The following LINGO2 variants were observed in gnomAD, a reference collection of about 807,000 sequenced individuals.
LINGO2 encodes leucine rich repeat and Ig domain containing 2, also known as leucine-rich repeat and immunoglobulin-like domain-containing nogo receptor-interacting protein 2.
Under a neutral mutation model 30.6 loss-of-function variants are expected in LINGO2, and 14 were observed. The ratio of observed to expected loss-of-function variants is 0.46; its 90% CI spans 0.30 to 0.72. The LOEUF (loss-of-function observed/expected upper bound fraction) is 0.72. LINGO2 is among the 30% of genes least tolerant of loss of function. LINGO2 has a pLI of 0.07. For missense variants in LINGO2, 729 were observed against 751.7 expected (o/e 0.97, Z 0.35); for synonymous variants, 317 against 288.5 (o/e 1.10, Z -1.00).
intron 3 of LINGO2, among the ~76,000 whole-genome samples, chr9:28,361,896 G>T (rs1042245089): frequency 6.6e-6 from 1 of 152,094 alleles, no homozygotes; most frequent in African/African-American, 2.4e-5. Context: ...CTGAATCTCG[G>T]GTTGAGTGAT....
chr9:27,961,553 C>T lies in LINGO2; in HGVS notation c.-35-10847G>A, dbSNP rs1045141144. ...AAGAGGTAATTAGAGGAATGATTTA[C>T]AAGGGGCTTATACACTGTGATAAGC... On this transcript the variant is annotated intron_variant, in intron 5 of 5. Coordinates refer to ENST00000379992, the Ensembl canonical transcript of LINGO2. Among the ~76,000 whole-genome samples, 3 of 152,258 alleles carry T rather than the reference C, an allele frequency of 2.0e-5. No homozygotes were observed. In the East Asian group the frequency reaches 5.8e-4, roughly 29 times the overall value.
chr9:28,248,974 C>G (rs1204969451), intron 4 of LINGO2, among the ~76,000 whole-genome samples: 3 of 152,104 alleles, frequency 2.0e-5, no homozygotes, highest in Non-Finnish European at 4.4e-5. Context: ...ATGACAGGAA[C>G]AGTGCTTTTC....
the LINGO2 span, among the ~76,000 whole-genome samples, chr9:28,679,317 A>G: frequency 6.6e-6 from 1 of 152,124 alleles, no homozygotes. Flanking sequence ...AAATCTCAAA[A>G]CTCAGCTTCC....
chr9:28,266,716 T>G (rs1222722108), intron 4 of LINGO2, among the ~76,000 whole-genome samples: 12 of 151,990 alleles, frequency 7.9e-5, no homozygotes, highest in Admixed American at 7.9e-4. Flanking sequence ...CTAAATTGGG[T>G]TAATATTCTT....
intron 1 of LINGO2, among the ~76,000 whole-genome samples, chr9:28,485,923 G>A (rs1049138807): frequency 6.6e-6 from 1 of 152,002 alleles, no homozygotes; most frequent in African/African-American, 2.4e-5. Flanking sequence ...CATTGAAGGA[G>A]GTGATTTTGA....
chr9:27,968,051 G>A (rs1485662877), intron 5 of LINGO2, among the ~76,000 whole-genome samples: 1 of 152,044 alleles, frequency 6.6e-6, no homozygotes, highest in Non-Finnish European at 1.5e-5. Flanking sequence ...AAAAAGAGTA[G>A]AAAACTATCA....
intron 4 of LINGO2, among the ~76,000 whole-genome samples, chr9:28,187,682 G>A (rs576592440): frequency 5.3e-5 from 8 of 152,082 alleles, no homozygotes; most frequent in Non-Finnish European, 7.4e-5. Context: ...TCAAGATAAG[G>A]GGGGCAGACA....
the LINGO2 span, among the ~76,000 whole-genome samples, chr9:28,934,543 T>C: frequency 6.6e-6 from 1 of 152,164 alleles, no homozygotes; most frequent in Admixed American, 6.6e-5. Context: ...ACTTTCTTGA[T>C]TGCAGTAAAG....
In LINGO2 at chr9:28,130,755, A is replaced by G. The variant is rs1048637897; in HGVS notation, c.-86-118350T>C. Among the ~76,000 whole-genome samples the G allele has an allele frequency of 9.9e-5, 15 of 152,202 alleles. No homozygotes were observed. Among genetic ancestry groups the G allele is most frequent in the African/African-American group, 3.4e-4 (14 of 41,468 alleles). On this transcript the variant is annotated intron_variant, in intron 4 of 5. Transcript: ENST00000379992. The surrounding 1 kb of genome is among the most constrained non-coding windows in gnomAD (Gnocchi z 5.2). ...AGTAGGACACTGTTCTTATTATATT[A>G]TCAGATATTCTGGGCCAAATGTGCA...
At chr9:28,061,323 C>T (rs1419868718) in intron 4 of LINGO2, among the ~76,000 whole-genome samples, 2 of 151,170 alleles carry the variant, frequency 1.3e-5, no homozygotes, top group African/African-American at 2.4e-5. Context: ...AATGAGTACA[C>T]GAAAAGCCCA....
chr9:28,037,875 A>G (rs1000022047), intron 4 of LINGO2, among the ~76,000 whole-genome samples: 2 of 152,232 alleles, frequency 1.3e-5, no homozygotes, highest in Admixed American at 6.5e-5. Context: ...CTACTCTACT[A>G]GTCCTTTACC....
At chr9:28,844,063 A>G in the LINGO2 span, among the ~76,000 whole-genome samples, 1 of 151,802 alleles carries the variant, frequency 6.6e-6, no homozygotes, top group East Asian at 1.9e-4. Flanking sequence ...TTTCTGCCAA[A>G]ATAAAATGAC....
chr9:28,966,475 G>A, the LINGO2 span, among the ~76,000 whole-genome samples: 2 of 152,174 alleles, frequency 1.3e-5, no homozygotes, highest in East Asian at 1.9e-4. Context: ...CAAGGTTGGT[G>A]ATAAAGCAGC....
At chr9:28,907,473 T>G in the LINGO2 span, among the ~76,000 whole-genome samples, 15 of 151,516 alleles carry the variant, frequency 9.9e-5, no homozygotes, top group Non-Finnish European at 1.8e-4. Context: ...TAATGAGAAG[T>G]AGAGGGAGAG....
the LINGO2 span, among the ~76,000 whole-genome samples, chr9:28,690,634 TA>T: frequency 6.6e-6 from 1 of 152,128 alleles, no homozygotes; most frequent in Non-Finnish European, 1.5e-5. Flanking sequence ...ATCAAAACAA[TA>T]AAACACATGA....
chr9:28,074,777 C>T (rs1200196532), intron 4 of LINGO2, among the ~76,000 whole-genome samples: 1 of 151,978 alleles, frequency 6.6e-6, no homozygotes, highest in Non-Finnish European at 1.5e-5. Flanking sequence ...ACATGGGTGA[C>T]TTTAAACTTT....
chr9:28,733,760 G>C, the LINGO2 span, among the ~76,000 whole-genome samples: 2 of 151,932 alleles, frequency 1.3e-5, no homozygotes, highest in African/African-American at 4.8e-5. Flanking sequence ...CTCCTAGATG[G>C]CTTTTGCTGT....
At chr9:28,590,066 A>C (rs1267764603) in intron 1 of LINGO2, among the ~76,000 whole-genome samples, 1 of 152,142 alleles carries the variant, frequency 6.6e-6, no homozygotes, top group Non-Finnish European at 1.5e-5. Flanking sequence ...AGGAATCCCT[A>C]TTTAATAAAT....
At chr9:28,945,959 C>G in the LINGO2 span, among the ~76,000 whole-genome samples, 1 of 152,102 alleles carries the variant, frequency 6.6e-6, no homozygotes, top group Admixed American at 6.5e-5. Flanking sequence ...ATGAGTCACA[C>G]CAATCTCCTA....
Sources: allele counts gnomAD v4.1 joint callset (sites outside exome capture counted in the v4.1 genomes callset), GRCh38; gene constraint gnomAD v4.1.1; non-coding constraint Gnocchi (gnomAD v3.1); transcripts MANE v1.5; gene names NCBI Gene and HGNC (gene_info 2026-07-23, HGNC 2026-07-21).